The following FHIT variants were observed in gnomAD, a reference collection of about 807,000 sequenced individuals.
FHIT encodes the protein fragile histidine triad diadenosine triphosphatase, also known as bis(5'-adenosyl)-triphosphatase.
A neutral mutation model predicts 17.9 loss-of-function variants in FHIT; 19 were observed. That is an observed-to-expected ratio of 1.06 (90% CI 0.74 to 1.56). The LOEUF is 1.56. Ranked by LOEUF, FHIT falls within the 40% of genes most tolerant of loss-of-function variation. The probability of loss-of-function intolerance (pLI) is 0.00; values close to 1 mark genes in which losing one functional copy is unlikely to be tolerated. For synonymous variants in FHIT, 81 were observed against 69.7 expected, an observed-to-expected ratio of 1.16 and a Z score of -0.81; for missense variants, 248 against 189.2, an observed-to-expected ratio of 1.31 and a Z score of -1.82.
intron 8 of FHIT, among the ~76,000 whole-genome samples, chr3:59,862,900 AAGGGGTGACGGGGT>A (rs1255359799): frequency 1.3e-5 from 2 of 152,130 alleles, no homozygotes; most frequent in African/African-American, 4.8e-5. Context: ...AACTGCTACC[AAGGGGTGACGGGGT>A]AGGATGTGGG....
intron 7 of FHIT, among the ~76,000 whole-genome samples, chr3:59,986,365 T>G (rs1217407749): frequency 6.6e-6 from 1 of 150,820 alleles, no homozygotes; most frequent in East Asian, 2.0e-4. Flanking sequence ...AATACTGTCT[T>G]TTCTCCAACT....
chr3:60,794,855 G>T (rs1168540100), intron 4 of FHIT, among the ~76,000 whole-genome samples: 1 of 152,048 alleles, frequency 6.6e-6, no homozygotes, highest in Non-Finnish European at 1.5e-5. Context: ...TGTGCTATGG[G>T]CAATTTTGTT....
At chr3:60,879,793 A>G (rs910207624) in intron 3 of FHIT, among the ~76,000 whole-genome samples, 8 of 151,892 alleles carry the variant, frequency 5.3e-5, no homozygotes, top group African/African-American at 1.7e-4. Context: ...AGTATAGAAA[A>G]CAATCTCTGA....
At chr3:59,886,781 A>T (rs1703642242) in intron 8 of FHIT, among the ~76,000 whole-genome samples, 1 of 152,204 alleles carries the variant, frequency 6.6e-6, no homozygotes, top group South Asian at 2.1e-4. Context: ...GGGCACAAAC[A>T]TCCAAACCAC....
rs9828649 is a variant in FHIT at position 60,401,856 on chromosome 3, T to G, written c.103+135004A>C. Among the ~76,000 whole-genome samples the G allele has an allele frequency of 9.8e-3, 1,488 of 152,304 alleles. 25 individuals are homozygous for G. Among genetic ancestry groups the G allele is most frequent in the African/African-American group, 0.034 (1,411 of 41,566 alleles). ...ATTTGGACAAGCATAATCTTGCAGA[T>G]TGGTCCTTACAAGCCCTACTTGCCT... On this transcript the variant is annotated intron_variant, in intron 5 of 9. Coordinates refer to ENST00000492590, the MANE Select transcript of FHIT (RefSeq NM_002012.4).
chr3:60,275,363 A>T (rs1178686525), intron 5 of FHIT, among the ~76,000 whole-genome samples: 1 of 152,168 alleles, frequency 6.6e-6, no homozygotes. Flanking sequence ...TCCAATTCCA[A>T]TCATTTCTCT....
chr3:60,513,137 G>C (rs1197209324), intron 5 of FHIT, among the ~76,000 whole-genome samples: 1 of 152,184 alleles, frequency 6.6e-6, no homozygotes, highest in African/African-American at 2.4e-5. Context: ...ATCTGCAGCA[G>C]ACTACTGTTT....
At chr3:60,532,646 C>G (rs559010545) in intron 5 of FHIT, among the ~76,000 whole-genome samples, 2 of 152,288 alleles carry the variant, frequency 1.3e-5, no homozygotes, top group African/African-American at 2.4e-5. Context: ...ACCACAGAAG[C>G]CAAAGCCTGT....
intron 1 of FHIT, among the ~76,000 whole-genome samples, chr3:61,217,950 CCCACTGGATGAAGGT>C (rs1306196273): frequency 5.9e-5 from 9 of 152,134 alleles, no homozygotes; most frequent in Non-Finnish European, 1.2e-4. Flanking sequence ...TTAACTAAAT[CCCACTGGATGAAGGT>C]CCACATCTGG....
chr3:59,814,925 G>C (rs1180308312), intron 8 of FHIT, among the ~76,000 whole-genome samples: 2 of 152,190 alleles, frequency 1.3e-5, no homozygotes, highest in Non-Finnish European at 2.9e-5. Context: ...GAGTGAAGGA[G>C]CAAATCCCTT....
chr3:61,036,752 C>T (rs1045971869), intron 3 of FHIT, among the ~76,000 whole-genome samples: 8 of 151,998 alleles, frequency 5.3e-5, no homozygotes, highest in Admixed American at 3.9e-4. Context: ...TGATTTAAAC[C>T]GGTGAGCACA....
intron 5 of FHIT, among the ~76,000 whole-genome samples, chr3:60,429,372 C>G (rs1366749652): frequency 6.6e-6 from 1 of 151,938 alleles, no homozygotes; most frequent in Non-Finnish European, 1.5e-5. Flanking sequence ...GGAAGACTGT[C>G]CCAGAAAGGA....
intron 8 of FHIT, among the ~76,000 whole-genome samples, chr3:59,850,658 A>G (rs972873929): frequency 6.6e-6 from 1 of 152,166 alleles, no homozygotes. Context: ...TTTATTTAAG[A>G]TATCAATTAA....
chr3:60,030,775 G>GA (rs1278987127), intron 5 of FHIT, among the ~76,000 whole-genome samples: 1 of 151,774 alleles, frequency 6.6e-6, no homozygotes, highest in East Asian at 1.9e-4. Flanking sequence ...TGGGTGGTTT[G>GA]AAAAAATGTC....
intron 2 of FHIT, among the ~76,000 whole-genome samples, chr3:61,067,464 C>A (rs1287172645): frequency 1.3e-5 from 2 of 152,152 alleles, no homozygotes; most frequent in Non-Finnish European, 2.9e-5. Context: ...TGTATGACAA[C>A]ATGTATAAAG....
intron 8 of FHIT, among the ~76,000 whole-genome samples, chr3:59,832,833 C>T (rs1701211776): frequency 6.6e-6 from 1 of 152,112 alleles, no homozygotes; most frequent in African/African-American, 2.4e-5. Context: ...GAGTGAAAGA[C>T]TATTTATGTA....
chr3:60,787,309 C>T (rs781862309), intron 4 of FHIT, among the ~76,000 whole-genome samples: 10 of 152,346 alleles, frequency 6.6e-5, no homozygotes, highest in South Asian at 2.1e-4. Flanking sequence ...CAGATGTTTT[C>T]CTGCATATTT....
intron 4 of FHIT, among the ~76,000 whole-genome samples, chr3:60,683,045 G>A (rs2040787376): frequency 6.6e-6 from 1 of 152,206 alleles, no homozygotes; most frequent in Non-Finnish European, 1.5e-5. Context: ...AAAGCTTGAA[G>A]ATGTGACTGA....
intron 1 of FHIT, among the ~76,000 whole-genome samples, chr3:61,218,562 A>T (rs906074674): frequency 6.6e-6 from 1 of 152,154 alleles, no homozygotes; most frequent in Non-Finnish European, 1.5e-5. Context: ...TTTAAACAGA[A>T]AAAAGGCCGA....
Sources: gnomAD v4.1 joint callset for allele counts (sites outside exome capture counted in the v4.1 genomes callset) on GRCh38, gnomAD v4.1.1 for gene constraint, MANE v1.5 for transcripts, NCBI Gene and HGNC (gene_info 2026-07-23, HGNC 2026-07-21) for gene names.